ABCC1: variants seen among roughly 807,000 people sequenced by gnomAD.
The protein encoded by ABCC1 is multidrug resistance-associated protein 1.
ABCC1 carries 83 observed loss-of-function variants against 172.9 expected under a neutral mutation model. The ratio of observed to expected loss-of-function variants is 0.48; its 90% confidence interval spans 0.40 to 0.58. The LOEUF (loss-of-function observed/expected upper bound fraction) is 0.58. Among genes scored for constraint, ABCC1 ranks in the 20% least tolerant of loss-of-function variants. The probability of loss-of-function intolerance (pLI) is 0.00; values close to 1 mark genes in which losing one functional copy is unlikely to be tolerated. For synonymous variants in ABCC1, 937 were observed against 825.2 expected, an observed-to-expected ratio of 1.14 and a Z score of -2.32; for missense variants, 1,817 against 2,002.7, an observed-to-expected ratio of 0.91 and a Z score of 1.77.
chr16:16,074,608 T>A (rs1426754889), intron 14 of ABCC1, among the ~76,000 whole-genome samples: 1 of 152,170 alleles, frequency 6.6e-6, no homozygotes, highest in Non-Finnish European at 1.5e-5. Context: ...CTTCCTGGAA[T>A]GTTTAGCACG....
At chr16:16,092,110 C>T (rs1011775435) in intron 19 of ABCC1, among the ~76,000 whole-genome samples, 6 of 152,110 alleles carry the variant, frequency 3.9e-5, no homozygotes, top group African/African-American at 1.4e-4. Flanking sequence ...TGGTGGCGCA[C>T]GCCTATAGGC....
intron 21 of ABCC1, 76 bp downstream of exon 21, chr16:16,106,949 G>A: frequency 6.3e-7 from 1 of 1,585,956 alleles, no homozygotes; most frequent in South Asian, 1.1e-5. Context: ...ACTGTGCAAA[G>A]TGCCTTGTCT....
chr16:16,104,192 A>G (rs1414050110), intron 20 of ABCC1, among the ~76,000 whole-genome samples: 2 of 152,198 alleles, frequency 1.3e-5, no homozygotes, highest in African/African-American at 4.8e-5. Flanking sequence ...GAGTGAAACA[A>G]TAAAGCTTCC....
chr16:16,141,141 T>A (rs779147944), intron 30 of ABCC1, 32 bp from the exon 31 acceptor site: 1 of 1,600,116 alleles, frequency 6.2e-7, no homozygotes. Context: ...ACCCCTCCCC[T>A]TCCCCTCATG....
At chr16:16,024,001 C>T (rs1414460030) in intron 5 of ABCC1, among the ~76,000 whole-genome samples, 1 of 152,030 alleles carries the variant, frequency 6.6e-6, no homozygotes, top group Non-Finnish European at 1.5e-5. Flanking sequence ...GGCAGATCAC[C>T]TGAGACTAGG....
Position 16,141,218 on chromosome 16 carries a change from A to C in ABCC1, c.4533A>C (p.Pro1511=). 6.2e-7 allele frequency: 1 copy of C among 1,613,992 alleles called. No individual in the cohort carries two copies. Among genetic ancestry groups the C allele is most frequent in the Middle Eastern group, 1.7e-4 (1 of 6,056 alleles). ...GAGAAATCCAGGAGTACGGCGCCCC[A>C]TCGGACCTCCTGCAGCAGAGAGGTC... ...DKGEIQEYGA[P]SDLLQQRGLF... The change falls in exon 31 of 31, where the codon CCA becomes CCC. Residue 1511 remains proline, a synonymous_variant. Coordinates refer to ENST00000399410, the MANE Select transcript of ABCC1 (RefSeq NM_004996.4).
intron 9 of ABCC1, 90 bp downstream of exon 9, chr16:16,046,103 C>T: frequency 1.4e-6 from 2 of 1,431,820 alleles, no homozygotes; most frequent in Non-Finnish European, 9.5e-7. Context: ...TGGGGATTTC[C>T]AGCCCAGCTT....
At chr16:16,104,315 C>T (rs974999627) in intron 20 of ABCC1, among the ~76,000 whole-genome samples, 4 of 152,058 alleles carry the variant, frequency 2.6e-5, no homozygotes, top group South Asian at 4.1e-4. Context: ...TACAGAGAGC[C>T]GATTGGTCTG....
chr16:16,013,765 G>A (rs1440250288), intron 3 of ABCC1, among the ~76,000 whole-genome samples: 1 of 152,178 alleles, frequency 6.6e-6, no homozygotes, highest in Admixed American at 6.6e-5. Context: ...GGATGGTGGA[G>A]GTGAAGCCTG....
chr16:16,081,238 A>G (rs184927397), intron 16 of ABCC1, among the ~76,000 whole-genome samples: 1 of 152,344 alleles, frequency 6.6e-6, no homozygotes, highest in East Asian at 1.9e-4. Context: ...TAGAAAGTAT[A>G]CATTGTGGTT....
intron 1 of ABCC1, among the ~76,000 whole-genome samples, chr16:15,957,346 A>G (rs543833031): frequency 1.4e-5 from 2 of 147,244 alleles, no homozygotes; most frequent in Admixed American, 7.0e-5. Context: ...TTGGCCTCCC[A>G]AAGTGCTGGG....
chr16:16,124,403 G>A (rs2045338753), intron 24 of ABCC1, among the ~76,000 whole-genome samples: 12 of 147,130 alleles, frequency 8.2e-5, no homozygotes, highest in Non-Finnish European at 1.8e-4. Flanking sequence ...GTGTGTGTGT[G>A]TGTGTGTATG....
chr16:15,968,974 G>A (rs191716432), intron 1 of ABCC1, among the ~76,000 whole-genome samples: 41 of 151,992 alleles, frequency 2.7e-4, no homozygotes, highest in African/African-American at 9.4e-4. Context: ...TTGAGAGGCC[G>A]AGGTGGGCAG....
rs144556371 is a variant in ABCC1, at chr16:16,101,950, G to A, written c.2645-677G>A. Among the ~76,000 whole-genome samples, 10 of 152,288 alleles carry A rather than the reference G, an allele frequency of 6.6e-5. No individual in the cohort carries two copies. The East Asian group carries it at 1.7e-3, about 26-fold the overall frequency. On this transcript the variant is annotated intron_variant, in intron 19 of 30. Coordinates refer to ENST00000399410, the MANE Select transcript of ABCC1 (RefSeq NM_004996.4). ...AACCAAGGCATCTGCCAGGGCTGGG[G>A]TCTCATCTGAAGACTCAATCAGGGA... is the stretch of plus-strand genomic sequence containing the variant.
At chr16:16,100,563 G>A (rs1051652807) in intron 19 of ABCC1, among the ~76,000 whole-genome samples, 2 of 152,166 alleles carry the variant, frequency 1.3e-5, no homozygotes, top group African/African-American at 4.8e-5. Flanking sequence ...TTTGTGTTTT[G>A]TTTGTTTTTT....
chr16:15,952,411 G>C (rs560138626), intron 1 of ABCC1, among the ~76,000 whole-genome samples: 1 of 151,996 alleles, frequency 6.6e-6, no homozygotes, highest in African/African-American at 2.4e-5. Flanking sequence ...AGTGGGCCTC[G>C]GGTGACTCTG....
At chr16:15,966,777 A>G (rs1378544245) in intron 1 of ABCC1, among the ~76,000 whole-genome samples, 3 of 150,044 alleles carry the variant, frequency 2.0e-5, no homozygotes, top group Non-Finnish European at 4.4e-5. Flanking sequence ...TACCCTCCCG[A>G]GTGTCTTGGA....
chr16:16,053,774 C>CAAAAAAAAAAAAAA (rs10526186), intron 11 of ABCC1, among the ~76,000 whole-genome samples: 1 of 36,212 alleles, frequency 2.8e-5, no homozygotes, highest in African/African-American at 6.8e-5. Flanking sequence ...GACCCTGTCT[C>CAAAAAAAAAAAAAA]AAAAAAAAAA....
At chr16:16,105,819 A>G (rs2152070458) in intron 20 of ABCC1, among the ~76,000 whole-genome samples, 1 of 148,836 alleles carries the variant, frequency 6.7e-6, no homozygotes, top group Admixed American at 6.7e-5. Context: ...GGGCGACGCA[A>G]TCTGTGATCA....
Sources: allele counts gnomAD v4.1 joint callset (sites outside exome capture counted in the v4.1 genomes callset), GRCh38; gene constraint gnomAD v4.1.1; transcripts MANE v1.5; gene names NCBI Gene and HGNC (gene_info 2026-07-23, HGNC 2026-07-21).